The following SH3TC1 variants were observed in gnomAD, a reference collection of about 807,000 sequenced individuals.
The protein encoded by SH3TC1 is SH3 domain and tetratricopeptide repeats 1, also known as SH3 domain and tetratricopeptide repeat-containing protein 1.
In SH3TC1, 135 loss-of-function variants were observed where a neutral mutation model predicts 117.3. The ratio of observed to expected loss-of-function variants is 1.15; its 90% CI spans 1.00 to 1.33. The LOEUF is 1.33. SH3TC1 is among the 40% of genes most tolerant of loss of function. SH3TC1 has a pLI of 0.00. For synonymous variants in SH3TC1, 898 were observed against 816.9 expected (o/e 1.10, Z -1.69); for missense variants, 2,092 against 1,794.3 (o/e 1.17, Z -3.00).
At chr4:8,238,813 G>A (rs577327696) in intron 17 of SH3TC1, among the ~76,000 whole-genome samples, 1 of 152,316 alleles carries the variant, frequency 6.6e-6, no homozygotes, top group African/African-American at 2.4e-5. Context: ...GCCCACCCAG[G>A]AGGAAGGAAA....
At chr4:8,233,794 TGTTCGTCCTTCCATCCATCCATCATCC>T (rs1721489427) in intron 14 of SH3TC1, among the ~76,000 whole-genome samples, 2 of 133,920 alleles carry the variant, frequency 1.5e-5, no homozygotes, top group Non-Finnish European at 3.2e-5. Context: ...TCCATTCACC[TGTTCGTCCTTCCATCCATCCATCATCC>T]GTCCATCCAT....
At chr4:8,213,414 G>A (rs796123410) in intron 4 of SH3TC1, among the ~76,000 whole-genome samples, 39 of 152,294 alleles carry the variant, frequency 2.6e-4, no homozygotes, top group African/African-American at 6.0e-4. Flanking sequence ...TTAGAATTAC[G>A]TCCCCGGGAG....
chr4:8,217,191 T>G (rs767006030), intron 7 of SH3TC1, 24 bp downstream of exon 7: 1 of 1,575,868 alleles, frequency 6.3e-7, no homozygotes, highest in South Asian at 1.2e-5. Flanking sequence ...TTTGCTGCTC[T>G]GAGAGCTGTT....
Position 8,241,013 on chromosome 4 carries a change from G to A in SH3TC1, c.*58G>A. The A allele has an allele frequency of 1.3e-6, 2 of 1,577,674 alleles. No individual in the cohort carries two copies. The highest frequency in any genetic ancestry group is 1.7e-6 in the Non-Finnish European group (2 of 1,163,806). ...GGGCTGGGGGTCTCCTGCCTCTCCT[G>A]GTGTCGCCGGTGGCTCATTTTCTGG... On this transcript the variant is annotated 3_prime_UTR_variant, in exon 18 of 18. Coordinates refer to ENST00000245105, the MANE Select transcript of SH3TC1 (RefSeq NM_018986.5).
At chr4:8,222,198 C>T (rs116063970) in intron 9 of SH3TC1, among the ~76,000 whole-genome samples, 1,876 of 151,996 alleles carry the variant, frequency 0.012, 43 homozygotes, top group South Asian at 0.056. Flanking sequence ...GCAGCTGTCA[C>T]AGGGGACTTC....
At chr4:8,223,275 G>A (rs962378558) in intron 10 of SH3TC1, among the ~76,000 whole-genome samples, 1 of 152,256 alleles carries the variant, frequency 6.6e-6, no homozygotes, top group Non-Finnish European at 1.5e-5. Context: ...GTATGGGTCT[G>A]GTTCTAATTT....
chr4:8,230,483 G>A (rs144507695), intron 12 of SH3TC1, among the ~76,000 whole-genome samples: 320 of 152,154 alleles, frequency 2.1e-3, no homozygotes, highest in Admixed American at 5.5e-3. Context: ...TGGTCAGTCT[G>A]GTGAAAGATT....
intron 1 of SH3TC1, among the ~76,000 whole-genome samples, chr4:8,202,415 A>G (rs566458211): frequency 7.2e-5 from 11 of 152,310 alleles, no homozygotes; most frequent in South Asian, 4.1e-4. Context: ...TTGGAAAGCA[A>G]GTCTCATGGG....
chr4:8,199,143 T>C (rs986122588), upstream of SH3TC1, among the ~76,000 whole-genome samples: 1 of 152,172 alleles, frequency 6.6e-6, no homozygotes, highest in Admixed American at 6.5e-5. Flanking sequence ...AAAGAGCTAA[T>C]GATCAACCGG....
chr4:8,235,908 G>A (rs1721767479), intron 15 of SH3TC1: 5 of 363,708 alleles, frequency 1.4e-5, no homozygotes, highest in Non-Finnish European at 2.5e-5. Flanking sequence ...CAGGGCCCAG[G>A]TCTGCATGCA....
At chr4:8,216,437 C>G (rs1355572151) in intron 6 of SH3TC1, among the ~76,000 whole-genome samples, 180 bp downstream of exon 6, 3 of 152,160 alleles carry the variant, frequency 2.0e-5, no homozygotes, top group African/African-American at 7.2e-5. Context: ...TCACTTAGCT[C>G]TAGAGACCCT....
intron 1 of SH3TC1, among the ~76,000 whole-genome samples, chr4:8,189,411 G>A (rs1311028989): frequency 2.0e-5 from 3 of 152,264 alleles, no homozygotes; most frequent in Non-Finnish European, 2.9e-5. Context: ...GCCGGCGGCC[G>A]GGGTAGGCCT....
At chr4:8,188,345 C>T (rs1276640013) in intron 1 of SH3TC1, among the ~76,000 whole-genome samples, 2 of 152,222 alleles carry the variant, frequency 1.3e-5, no homozygotes, top group African/African-American at 2.4e-5. Context: ...GGCCCAGCAT[C>T]GGGCAGGCAG....
chr4:8,186,836 C>A lies in SH3TC1; in HGVS notation c.-57+4626C>A, dbSNP rs575780815. Among the ~76,000 whole-genome samples the A allele has an allele frequency of 2.0e-5, 3 of 150,376 alleles. No homozygotes were observed. The highest frequency in any genetic ancestry group is 7.4e-5 in the African/African-American group (3 of 40,718). On this transcript the variant is annotated intron_variant, in intron 1 of 16. Coordinates refer to the SH3TC1 transcript ENST00000508641. The surrounding 1 kb of genome is among the most constrained non-coding windows in gnomAD (Gnocchi z 5.2). ...GCGGGCACCTGTAATCCCAGCTACT[C>A]GGGAGGCTGAGGTGGGAGAATCGCT... is the stretch of plus-strand genomic sequence containing the variant.
chr4:8,203,158 T>C (rs1240390197), intron 1 of SH3TC1, among the ~76,000 whole-genome samples: 1 of 152,140 alleles, frequency 6.6e-6, no homozygotes, highest in African/African-American at 2.4e-5. Flanking sequence ...GTCGCCACAG[T>C]GGTGGCCCGA....
Position 8,205,311 on chromosome 4 carries a change from C to T in SH3TC1, c.117C>T (p.Pro39=), listed in dbSNP as rs1340274721. Reference sequence around the variant, plus strand: ...AGGTCCGGACTGTGGTCATGAGGCCCTCTGTGAGCTGGGAGAAAGCGGGGC... The same window carrying T: ...AGGTCCGGACTGTGGTCATGAGGCCTTCTGTGAGCTGGGAGAAAGCGGGGC... ...RDQVRTVVMR[P]SVSWEKAGPE... The change falls in exon 2 of 18, where the codon CCC becomes CCT. Residue 39 remains proline (P), a synonymous_variant. Coordinates refer to ENST00000245105, the MANE Select transcript of SH3TC1 (RefSeq NM_018986.5). The surrounding 1 kb of genome is among the most constrained non-coding windows in gnomAD (Gnocchi z 5.4). The T allele has an allele frequency of 3.9e-6, 6 of 1,550,336 alleles. No individual in the cohort carries two copies. The highest frequency in any genetic ancestry group is 2.7e-5 in the African/African-American group (2 of 73,154).
chr4:8,225,206 G>C lies in SH3TC1; in HGVS notation c.1275G>C (p.Pro425=). Residue 425 remains proline (P), a synonymous_variant, in exon 11 of 18, where the codon CCG becomes CCC. Transcript: ENST00000245105. This position sits in a 1 kb window ranked among gnomAD's most constrained non-coding sequence, Gnocchi z 5.5. ...DSVEEAETEQ[P]QEKEIPPPCL... ...TAGAGGAAGCTGAGACCGAGCAGCC[G>C]CAGGAAAAAGGTGGGTTTTGCCAGT... 1.2e-6 allele frequency: 2 copies of C among 1,613,758 alleles called. No individual in the cohort carries two copies. The highest frequency in any genetic ancestry group is 4.5e-5 in the East Asian group (2 of 44,870).
In SH3TC1 at chr4:8,188,553, A is replaced by G. The variant is rs190604958; in HGVS notation, c.-57+6343A>G. Among the ~76,000 whole-genome samples, 603 of 152,352 alleles carry G rather than the reference A, an allele frequency of 4.0e-3. 4 individuals carry two copies. Among genetic ancestry groups the G allele is most frequent in the African/African-American group, 0.014 (578 of 41,594 alleles). ...ATTGGGTTGCACCCCAGCATGAGCT[A>G]TGTGGGCCAGTGGGGGAGTTTCCCG... On this transcript the variant is annotated intron_variant, in intron 1 of 16. Coordinates refer to the SH3TC1 transcript ENST00000508641.
In SH3TC1 at chr4:8,215,291, C is replaced by T. The variant is rs182631937; in HGVS notation, c.481+711C>T. 5.1e-5 allele frequency: 23 copies of T among 454,394 alleles called. No homozygotes were observed. The East Asian group carries it at 1.3e-3, about 26-fold the overall frequency. 28.1% of individuals were successfully genotyped at this position (454,394 alleles called of 1,614,324 possible). ...CTGTTCCATTTGGAGGAATTCCAGGCTCTAACGGAGCCTCCCTGGGGATCT... is the reference window on the plus strand; with the variant it reads ...CTGTTCCATTTGGAGGAATTCCAGGTTCTAACGGAGCCTCCCTGGGGATCT... On this transcript the variant is annotated intron_variant, in intron 5 of 17. Coordinates refer to ENST00000245105, the MANE Select transcript of SH3TC1 (RefSeq NM_018986.5).
Sources: gnomAD v4.1 joint callset for allele counts (sites outside exome capture counted in the v4.1 genomes callset) on GRCh38, gnomAD v4.1.1 for gene constraint, Gnocchi (gnomAD v3.1) non-coding constraint, MANE v1.5 for transcripts, NCBI Gene and HGNC (gene_info 2026-07-23, HGNC 2026-07-21) for gene names.